The following RBFOX1 variants were observed in gnomAD, a reference collection of about 807,000 sequenced individuals.
RBFOX1 encodes the protein RNA binding protein fox-1 homolog 1.
In RBFOX1, 8 loss-of-function variants were observed where a neutral mutation model predicts 57.7. The ratio of observed to expected loss-of-function variants is 0.14; its 90% CI spans 0.08 to 0.25. RBFOX1 has a LOEUF of 0.25. Ranked by LOEUF, RBFOX1 falls within the 10% of genes least tolerant of loss-of-function variation. RBFOX1 has a pLI of 1.00. For synonymous variants in RBFOX1, 326 were observed against 222.4 expected, an observed-to-expected ratio of 1.47 and a Z score of -4.15; for missense variants, 611 against 548.5, an observed-to-expected ratio of 1.11 and a Z score of -1.14.
At chr16:7,594,893 T>G (rs1360528015) in intron 7 of RBFOX1, among the ~76,000 whole-genome samples, 2 of 152,182 alleles carry the variant, frequency 1.3e-5, no homozygotes. Flanking sequence ...ATTAATCAAC[T>G]GAAGTTTATT....
chr16:6,089,788 C>T (rs1490018701), intron 1 of RBFOX1, among the ~76,000 whole-genome samples: 1 of 152,154 alleles, frequency 6.6e-6, no homozygotes, highest in Non-Finnish European at 1.5e-5. Flanking sequence ...AAATGAATGA[C>T]AATGACCACT....
rs188213692 is a variant in RBFOX1 at position 6,551,920 on chromosome 16, C to G, written c.-63-102683C>G. On this transcript the variant is annotated intron_variant, in intron 2 of 15. Transcript: ENST00000550418. ...AGTGTCCTTCAGGATCCAGTCTACT[C>G]TTTAAATTTTTGAGAGTTATTTGGA... is the stretch of plus-strand genomic sequence containing the variant. Among the ~76,000 whole-genome samples the G allele has an allele frequency of 2.3e-4, 35 of 152,304 alleles. No homozygotes were observed. In the East Asian group the frequency reaches 6.8e-3, roughly 29 times the overall value.
chr16:7,454,479 G>C (rs950679512), intron 4 of RBFOX1, among the ~76,000 whole-genome samples: 1 of 152,152 alleles, frequency 6.6e-6, no homozygotes, highest in Admixed American at 6.5e-5. Context: ...GTGTGTTATA[G>C]GCTATTATAG....
chr16:6,773,201 T>TTGTGTGTG (rs1328286451), intron 3 of RBFOX1, among the ~76,000 whole-genome samples: 1 of 66,584 alleles, frequency 1.5e-5, no homozygotes, highest in African/African-American at 6.4e-5. Flanking sequence ...TGGGGTGCAT[T>TTGTGTGTG]TGTGTGTGAG....
chr16:6,851,476 A>G (rs2094059136), intron 3 of RBFOX1, among the ~76,000 whole-genome samples: 1 of 152,186 alleles, frequency 6.6e-6, no homozygotes, highest in Non-Finnish European at 1.5e-5. Context: ...TAATTTTTAA[A>G]ATTCCTTCAT....
chr16:7,575,465 G>C (rs2093242582), intron 5 of RBFOX1, among the ~76,000 whole-genome samples: 2 of 152,092 alleles, frequency 1.3e-5, no homozygotes, highest in Admixed American at 1.3e-4. Context: ...AAGGAAGAGG[G>C]AAATTGGAGT....
intron 3 of RBFOX1, among the ~76,000 whole-genome samples, chr16:6,851,861 A>G (rs1471984222): frequency 1.3e-5 from 2 of 151,568 alleles, no homozygotes; most frequent in African/African-American, 4.8e-5. Flanking sequence ...TAGAACAGGG[A>G]CACCACTATC....
At chr16:7,480,109 C>T (rs1443189623) in intron 4 of RBFOX1, among the ~76,000 whole-genome samples, 1 of 152,186 alleles carries the variant, frequency 6.6e-6, no homozygotes. Flanking sequence ...TTAAAGAAGG[C>T]TGAATATCTT....
chr16:7,377,302 A>G (rs1401531679), intron 4 of RBFOX1, among the ~76,000 whole-genome samples: 1 of 152,194 alleles, frequency 6.6e-6, no homozygotes, highest in Non-Finnish European at 1.5e-5. Flanking sequence ...GGTGGTCCGT[A>G]TCACCCACGT....
intron 2 of RBFOX1, among the ~76,000 whole-genome samples, chr16:5,486,537 T>A (rs954512307): frequency 6.6e-6 from 1 of 152,220 alleles, no homozygotes; most frequent in Non-Finnish European, 1.5e-5. Flanking sequence ...AACAGGCGTT[T>A]GGAATCTCCA....
intron 1 of RBFOX1, among the ~76,000 whole-genome samples, chr16:5,313,211 C>G (rs1004076103): frequency 2.0e-5 from 3 of 152,140 alleles, no homozygotes; most frequent in Admixed American, 2.0e-4. Flanking sequence ...TGAAGCAGGG[C>G]AAATTGCTCC....
intron 3 of RBFOX1, among the ~76,000 whole-genome samples, chr16:6,702,748 AT>A (rs1354153517): frequency 6.6e-6 from 1 of 152,136 alleles, no homozygotes; most frequent in Non-Finnish European, 1.5e-5. Context: ...TTTTTAAATT[AT>A]TTTTTTGTTA....
In RBFOX1 at chr16:5,374,714, G is replaced by GTT. The variant is rs60956026; in HGVS notation, c.220-92490_220-92489dup. Among the ~76,000 whole-genome samples, 228 of 144,382 alleles carry GTT rather than the reference G, an allele frequency of 1.6e-3. 1 individual carries two copies. The highest frequency in any genetic ancestry group is 7.1e-3 in the Middle Eastern group (2 of 280). 94.7% of individuals were successfully genotyped at this position (144,382 alleles called of 152,430 possible). On this transcript the variant is annotated intron_variant, in intron 1 of 2. Coordinates refer to the RBFOX1 transcript ENST00000585867. Reference sequence around the variant, plus strand: ...TAGAAGATGTGATTTATCTCTATGTGTTTTTTTTTTTTTGAAGAATTGACT... The same window carrying GTT: ...TAGAAGATGTGATTTATCTCTATGTGTTTTTTTTTTTTTTTGAAGAATTGACT...
chr16:7,506,827 G>C (rs568223982), intron 4 of RBFOX1, among the ~76,000 whole-genome samples: 7 of 152,214 alleles, frequency 4.6e-5, no homozygotes, highest in Non-Finnish European at 8.8e-5. Context: ...ACCATAATGA[G>C]TTTAGTATTC....
rs528108722 is a variant in RBFOX1 at position 5,875,991 on chromosome 16, C to A, written c.351+8656C>A. Among the ~76,000 whole-genome samples, 99 of 152,036 alleles carry A rather than the reference C, an allele frequency of 6.5e-4. 1 individual carries two copies. The highest frequency in any genetic ancestry group is 6.8e-3 in the Middle Eastern group (2 of 294). ...CCCGAGTAGCTGGGACTACAGGCCC[C>A]CGACAGCACACCCAGCTAATTTTTT... On this transcript the variant is annotated intron_variant, in intron 4 of 19. Transcript: ENST00000641259.
intron 1 of RBFOX1, among the ~76,000 whole-genome samples, chr16:5,426,709 T>C (rs776026271): frequency 2.6e-5 from 4 of 152,198 alleles, no homozygotes; most frequent in Non-Finnish European, 4.4e-5. Flanking sequence ...GTTTTTTCTG[T>C]TATCGCTCCA....
chr16:6,336,171 ATATATATATATTTTTTTTTTTTTTTTTT>A (rs1450806611), intron 2 of RBFOX1, among the ~76,000 whole-genome samples: 6 of 27,530 alleles, frequency 2.2e-4, no homozygotes, highest in African/African-American at 7.5e-4. Flanking sequence ...ATATATATAT[ATATATATATATTTTTTTTTTTTTTTTTT>A]TTTTTTTTTT....
chr16:6,960,005 A>G (rs769423400), intron 3 of RBFOX1, among the ~76,000 whole-genome samples: 1 of 151,814 alleles, frequency 6.6e-6, no homozygotes, highest in Non-Finnish European at 1.5e-5. Flanking sequence ...TGTAACAAAA[A>G]CCCCCCAAGA....
chr16:5,891,664 T>A lies in RBFOX1; in HGVS notation c.351+24329T>A, dbSNP rs149598191. ...AGGGAATCTCTGGGTCCTGGCCATG[T>A]GCCTAGGAAGAGCAGAGACTGGACT... On this transcript the variant is annotated intron_variant, in intron 4 of 19. Coordinates refer to the RBFOX1 transcript ENST00000641259. Among the ~76,000 whole-genome samples, 6 of 152,184 alleles carry A rather than the reference T, an allele frequency of 3.9e-5. No homozygotes were observed. The East Asian group carries it at 1.2e-3, about 30-fold the overall frequency.
Sources: allele counts gnomAD v4.1 joint callset (sites outside exome capture counted in the v4.1 genomes callset), GRCh38; gene constraint gnomAD v4.1.1; transcripts MANE v1.5; gene names NCBI Gene and HGNC (gene_info 2026-07-23, HGNC 2026-07-21).